The following TNC variants were observed in gnomAD, a reference collection of about 807,000 sequenced individuals.
TNC encodes tenascin C, also known as tenascin.
Under a neutral mutation model 202.4 loss-of-function variants are expected in TNC, and 109 were observed. The ratio of observed to expected loss-of-function variants is 0.54; its 90% CI spans 0.46 to 0.63. The LOEUF is 0.63. Ranked by LOEUF, TNC falls within the 30% of genes least tolerant of loss-of-function variation. The pLI, the probability that TNC is intolerant of heterozygous loss-of-function variation, is 0.00. For missense variants in TNC, 2,756 were observed against 2,833.3 expected (o/e 0.97, Z 0.62); for synonymous variants, 1,007 against 1,089.7 (o/e 0.92, Z 1.50).
intron 7 of TNC, 80 bp from the exon 8 acceptor site, chr9:115,076,655 T>A (rs550802129): frequency 2.0e-6 from 3 of 1,483,578 alleles, no homozygotes. Flanking sequence ...AGCTGACATA[T>A]GAAACGTGCC....
chr9:115,071,666 CA>C (rs1451930262), intron 10 of TNC, among the ~76,000 whole-genome samples: 3 of 151,750 alleles, frequency 2.0e-5, no homozygotes, highest in Non-Finnish European at 2.9e-5. Flanking sequence ...CAGCATTTAT[CA>C]AACTCAAGGG....
At chr9:115,096,792 C>G (rs1270798070) in intron 1 of TNC, among the ~76,000 whole-genome samples, 6 of 152,152 alleles carry the variant, frequency 3.9e-5, no homozygotes, top group Non-Finnish European at 8.8e-5. Flanking sequence ...AGATAACTAC[C>G]CTGTGTCAGA....
rs1833177345 is a variant in TNC at position 115,069,262 on chromosome 9, C to T, written c.3214+4341G>A. Among the ~76,000 whole-genome samples, 3 of 152,182 alleles carry T rather than the reference C, an allele frequency of 2.0e-5. No individual in the cohort carries two copies. In the South Asian group the frequency reaches 6.2e-4, roughly 31 times the overall value. On this transcript the variant is annotated intron_variant, in intron 10 of 27. Transcript: ENST00000350763. ...GTTGTCACTGTCAAGGCTTATGTTG[C>T]TATGAAAATATGCTTTGCTGGCTTT...
intron 1 of TNC, among the ~76,000 whole-genome samples, chr9:115,098,222 T>C (rs1034975113): frequency 7.2e-5 from 11 of 152,230 alleles, no homozygotes; most frequent in Non-Finnish European, 1.5e-4. Flanking sequence ...TAGACTTTTA[T>C]TCAGAGCATT....
In TNC at chr9:115,025,993, A is replaced by G. The variant is rs185326432; in HGVS notation, c.6331+541T>C. On this transcript the variant is annotated intron_variant, in intron 26 of 27. Transcript: ENST00000350763. ...GCAGGGATGTCTTGGAAGAGATTCA[A>G]GCAGCTAGGTGATGGAGTGGATGGT... Among the ~76,000 whole-genome samples, 796 of 152,312 alleles carry G rather than the reference A, an allele frequency of 5.2e-3. 33 individuals carry two copies. Among genetic ancestry groups the G allele is most frequent in the Non-Finnish European group, 6.3e-4 (43 of 68,042 alleles).
chr9:115,024,564 T>C (rs1305575003), intron 26 of TNC, among the ~76,000 whole-genome samples: 1 of 152,208 alleles, frequency 6.6e-6, no homozygotes, highest in Non-Finnish European at 1.5e-5. Flanking sequence ...CTTACTATGA[T>C]TGTTATTTTT....
At chr9:115,116,410 T>C (rs959865481) in intron 1 of TNC, among the ~76,000 whole-genome samples, 1 of 152,172 alleles carries the variant, frequency 6.6e-6, no homozygotes, top group African/African-American at 2.4e-5. Context: ...CTCCTGCAAA[T>C]GACTTGTATG....
At chr9:115,053,093 T>C (rs1040452619) in intron 15 of TNC, 1 of 650,426 alleles carries the variant, frequency 1.5e-6, no homozygotes. Flanking sequence ...AATGTAGCCA[T>C]AGAACATGAA....
intron 27 of TNC, 86 bp from the exon 28 acceptor site, chr9:115,021,353 G>A: frequency 3.4e-6 from 3 of 880,696 alleles, no homozygotes; most frequent in Non-Finnish European, 5.4e-6. Flanking sequence ...ACTGATCATT[G>A]CTATTTAGTC....
intron 17 of TNC, among the ~76,000 whole-genome samples, chr9:115,044,849 T>C (rs1056725824): frequency 1.3e-5 from 2 of 152,160 alleles, no homozygotes; most frequent in African/African-American, 4.8e-5. Context: ...CAAATACTGA[T>C]TATTATTTTT....
At chr9:115,072,105 A>C (rs1394216525) in intron 10 of TNC, among the ~76,000 whole-genome samples, 1 of 152,228 alleles carries the variant, frequency 6.6e-6, no homozygotes, top group Non-Finnish European at 1.5e-5. Context: ...TTCAGACAGA[A>C]GACTACCTTT....
At chr9:115,052,969 TG>T in intron 15 of TNC, 1 of 702,642 alleles carries the variant, frequency 1.4e-6, no homozygotes. Context: ...TGAAGCTTTT[TG>T]GAGTAATATT....
chr9:115,092,532 T>C (rs1250673293), intron 1 of TNC, among the ~76,000 whole-genome samples: 4 of 152,214 alleles, frequency 2.6e-5, no homozygotes, highest in Admixed American at 1.3e-4. Context: ...AATTAGGAGA[T>C]GCACCCGAGT....
At chr9:115,047,845 G>C (rs1831323386) in intron 16 of TNC, among the ~76,000 whole-genome samples, 1 of 152,192 alleles carries the variant, frequency 6.6e-6, no homozygotes, top group African/African-American at 2.4e-5. Flanking sequence ...GGGTAAGTTT[G>C]TTAAGATCAT....
rs551540458 is a variant in TNC at position 115,021,114 on chromosome 9, C to T, written c.*43G>A. ...TGATGCTTTGGTAAAATCCTTTCCT[C>T]GCTCTGGGCCTTATTCCTCTCTCAC... On this transcript the variant is annotated 3_prime_UTR_variant, in exon 28 of 28. Coordinates refer to ENST00000350763, the MANE Select transcript of TNC (RefSeq NM_002160.4). The T allele has an allele frequency of 1.1e-5, 17 of 1,492,468 alleles. No individual in the cohort carries two copies. Among genetic ancestry groups the T allele is most frequent in the Admixed American group, 3.4e-5 (2 of 58,420 alleles). The allele number at this position is 1,492,468 out of a possible 1,614,324, so 92.5% of individuals were successfully genotyped here.
intron 22 of TNC, among the ~76,000 whole-genome samples, chr9:115,034,808 T>C (rs1219624260): frequency 6.6e-6 from 1 of 152,188 alleles, no homozygotes; most frequent in East Asian, 1.9e-4. Flanking sequence ...GTATTAACAG[T>C]TGATATCATA....
At chr9:115,064,199 T>C (rs1295344067) in intron 11 of TNC, 131 bp from the exon 12 acceptor site, 2 of 900,536 alleles carry the variant, frequency 2.2e-6, no homozygotes, top group Non-Finnish European at 3.3e-6. Context: ...ACATGCATCA[T>C]GCAACTCTTT....
intron 26 of TNC, among the ~76,000 whole-genome samples, chr9:115,024,769 G>C (rs918887393): frequency 6.6e-6 from 1 of 152,166 alleles, no homozygotes; most frequent in African/African-American, 2.4e-5. Context: ...CATGTTCCGT[G>C]ATTCTTAGAC....
At chr9:115,056,812 G>C (rs1047239022) in intron 15 of TNC, among the ~76,000 whole-genome samples, 10 of 152,182 alleles carry the variant, frequency 6.6e-5, no homozygotes, top group Non-Finnish European at 1.5e-5. Context: ...CTTTGACTGA[G>C]GCAGACATCT....
Sources: allele counts gnomAD v4.1 joint callset (sites outside exome capture counted in the v4.1 genomes callset), GRCh38; gene constraint gnomAD v4.1.1; transcripts MANE v1.5; gene names NCBI Gene and HGNC (gene_info 2026-07-23, HGNC 2026-07-21).